FAAH2: variants seen among roughly 807,000 people sequenced by gnomAD.
FAAH2 encodes the protein fatty-acid amide hydrolase 2.
In FAAH2, 60 loss-of-function variants were observed where a neutral mutation model predicts 36.9. That is an observed-to-expected ratio of 1.63 (90% CI 1.32 to 2.02). The LOEUF (loss-of-function observed/expected upper bound fraction) is 2.02, where lower values mean the gene tolerates loss of function less well. Among genes scored for constraint, FAAH2 ranks in the 30% most tolerant of loss-of-function variants. The pLI is 0.00. For missense variants in FAAH2, 689 were observed against 397.5 expected, an observed-to-expected ratio of 1.73 and a Z score of -6.23; for synonymous variants, 214 against 143.8, an observed-to-expected ratio of 1.49 and a Z score of -3.49.
intron 6 of FAAH2, 40 bp from the exon 7 acceptor site, chrX:57,380,872 A>C (rs2054826427): frequency 1.1e-6 from 1 of 877,976 alleles, no homozygotes; most frequent in Non-Finnish European, 1.6e-6. Flanking sequence ...AGGATATCTA[A>C]ATAATTTGTT....
chrX:57,330,229 T>A (rs2053360552), intron 3 of FAAH2, among the ~76,000 whole-genome samples: 1 of 111,980 alleles, frequency 8.9e-6, no homozygotes, highest in Admixed American at 9.5e-5. Context: ...CACTGAATTC[T>A]GTTTCTCAGC....
At chrX:57,181,123 A>T in the FAAH2 span, among the ~76,000 whole-genome samples, 12 of 111,796 alleles carry the variant, frequency 1.1e-4, no homozygotes, top group Admixed American at 1.9e-4. Flanking sequence ...TTGAAGGAAC[A>T]TACCTCAAAA....
chrX:57,187,794 G>A, the FAAH2 span, among the ~76,000 whole-genome samples: 31 of 111,025 alleles, frequency 2.8e-4, no homozygotes, highest in Admixed American at 5.8e-4. Context: ...GAATTTTATC[G>A]GAGGTCTTTT....
At chrX:57,155,370 C>G in the FAAH2 span, among the ~76,000 whole-genome samples, 1 of 111,417 alleles carries the variant, frequency 9.0e-6, no homozygotes, top group Non-Finnish European at 1.9e-5. Flanking sequence ...GTGTGATTCC[C>G]AGTCAATGAG....
At chrX:57,416,368 G>C (rs1329932803) in intron 7 of FAAH2, among the ~76,000 whole-genome samples, 1 of 111,090 alleles carries the variant, frequency 9.0e-6, no homozygotes, top group Non-Finnish European at 1.9e-5. Context: ...GGCTGGTACA[G>C]TTTTTTCCTT....
intron 10 of FAAH2, among the ~76,000 whole-genome samples, chrX:57,455,853 C>T (rs1030759214): frequency 8.9e-6 from 1 of 111,775 alleles, no homozygotes; most frequent in African/African-American, 3.3e-5. Context: ...CAAATAATAA[C>T]GGGGGATTTT....
chrX:57,381,505 T>G (rs1467473990), intron 7 of FAAH2: 1 of 661,234 alleles, frequency 1.5e-6, no homozygotes, highest in Non-Finnish European at 1.8e-6. Flanking sequence ...TACCAAATTT[T>G]AAAAGTAATT....
Position 57,304,848 on chromosome X carries a change from T to C in FAAH2, c.276-5745T>C, listed in dbSNP as rs149798928. On this transcript the variant is annotated intron_variant, in intron 2 of 10. Coordinates refer to ENST00000374900, the MANE Select transcript of FAAH2 (RefSeq NM_174912.4). ...GTACCTAATGGGATTATTGTGAGGATGGAACAACTTAATGAATTTAAAACA... is the reference window on the plus strand; with the variant it reads ...GTACCTAATGGGATTATTGTGAGGACGGAACAACTTAATGAATTTAAAACA... Among the ~76,000 whole-genome samples, 56 of 111,590 alleles carry C rather than the reference T, an allele frequency of 5.0e-4. No individual in the cohort carries two copies. In the East Asian group the frequency reaches 0.012, roughly 24 times the overall value.
intron 7 of FAAH2, among the ~76,000 whole-genome samples, chrX:57,391,867 T>C (rs190851062): frequency 9.0e-6 from 1 of 110,912 alleles, no homozygotes; most frequent in Non-Finnish European, 1.9e-5. Flanking sequence ...ATTATCTTTG[T>C]AATGATAGGA....
At chrX:57,468,501 T>G (rs928786566) in intron 10 of FAAH2, among the ~76,000 whole-genome samples, 1 of 111,727 alleles carries the variant, frequency 9.0e-6, no homozygotes, top group Non-Finnish European at 1.9e-5. Flanking sequence ...GTATCAGTGA[T>G]TGAAGATCAA....
chrX:57,147,346 G>A, the FAAH2 span, among the ~76,000 whole-genome samples: 25 of 111,100 alleles, frequency 2.3e-4, no homozygotes, highest in Non-Finnish European at 3.2e-4. Flanking sequence ...TAGTTTATGC[G>A]CAAGTTCATA....
the FAAH2 span, among the ~76,000 whole-genome samples, chrX:57,264,730 C>T: frequency 2.7e-5 from 3 of 112,192 alleles, no homozygotes; most frequent in East Asian, 8.4e-4. Context: ...CACGCATGCA[C>T]ACATGTGTTC....
In FAAH2 at chrX:57,469,576, C is replaced by T. The variant is rs904565765; in HGVS notation, c.1424-19181C>T. ...ATCCTAAATACATCTGCACCCAATA[C>T]AGGAGCACCCAGATTCATAAAGCAA... On this transcript the variant is annotated intron_variant, in intron 10 of 10. Transcript: ENST00000374900. Among the ~76,000 whole-genome samples, 3 of 111,953 alleles carry T rather than the reference C, an allele frequency of 2.7e-5. No individual in the cohort carries two copies. In the South Asian group the frequency reaches 1.1e-3, roughly 42 times the overall value.
intron 3 of FAAH2, among the ~76,000 whole-genome samples, chrX:57,317,910 A>G (rs913857722): frequency 1.1e-4 from 12 of 112,020 alleles, no homozygotes; most frequent in Non-Finnish European, 2.3e-4. Flanking sequence ...CTGCTCCTGA[A>G]TGACTACTGG....
At chrX:57,459,302 C>T (rs1357310362) in intron 10 of FAAH2, among the ~76,000 whole-genome samples, 1 of 112,320 alleles carries the variant, frequency 8.9e-6, no homozygotes, top group Non-Finnish European at 1.9e-5. Flanking sequence ...GGCAGGGCAT[C>T]TCTGAAAGAA....
chrX:57,125,023 C>G, the FAAH2 span, among the ~76,000 whole-genome samples: 1 of 112,325 alleles, frequency 8.9e-6, no homozygotes, highest in South Asian at 3.7e-4. Context: ...TTGCCCTGGC[C>G]AGAACTTCCA....
At chrX:57,411,483 G>A (rs186504145) in intron 7 of FAAH2, among the ~76,000 whole-genome samples, 127 of 110,873 alleles carry the variant, frequency 1.1e-3, no homozygotes, top group African/African-American at 2.5e-3. Context: ...CACCCTGCAG[G>A]GCTTATGGAC....
At chrX:57,292,119 G>A (rs1383398100) in intron 1 of FAAH2, among the ~76,000 whole-genome samples, 1 of 110,847 alleles carries the variant, frequency 9.0e-6, no homozygotes, top group Non-Finnish European at 1.9e-5. Context: ...GATGTATACT[G>A]TTAAGTTTCA....
At chrX:57,185,491 TG>T in the FAAH2 span, among the ~76,000 whole-genome samples, 1 of 74,097 alleles carries the variant, frequency 1.3e-5, no homozygotes, top group East Asian at 4.0e-4. Context: ...TCTGTCTCTG[TG>T]TGTGTGTGTG....
Sources: gnomAD v4.1 joint callset for allele counts (sites outside exome capture counted in the v4.1 genomes callset) on GRCh38, gnomAD v4.1.1 for gene constraint, MANE v1.5 for transcripts, NCBI Gene and HGNC (gene_info 2026-07-23, HGNC 2026-07-21) for gene names.